Variants in FAM76A observed in about 807,000 individuals in gnomAD.
FAM76A encodes the protein family with sequence similarity 76 member A, also known as protein FAM76A.
Under a neutral mutation model 46.2 loss-of-function variants are expected in FAM76A, and 32 were observed. That is an observed-to-expected ratio of 0.69 (90% CI 0.52 to 0.93). The LOEUF (loss-of-function observed/expected upper bound fraction) is 0.93, where lower values mean the gene tolerates loss of function less well. Among genes scored for constraint, FAM76A ranks in the 40% least tolerant of loss-of-function variants. The pLI, the probability that FAM76A is intolerant of heterozygous loss-of-function variation, is 0.00. For synonymous variants in FAM76A, 137 were observed against 127.0 expected (o/e 1.08, Z -0.53); for missense variants, 274 against 361.5 (o/e 0.76, Z 1.96).
In FAM76A at chr1:27,734,119, C is replaced by T. The variant is rs1215403399; in HGVS notation, c.290C>T (p.Pro97Leu). The change falls in exon 4 of 9, where the codon CCA becomes CTA. Residue 97 changes from proline to leucine, a missense_variant. Transcript: ENST00000373954. ...RCTNSEKKYG[P>L]PYSCEQCKQQ... ...ACAAATTCAGAAAAGAAGTATGGACCACCCTATTCTTGTGAACAGTGCAAG... is the reference window on the plus strand; with the variant it reads ...ACAAATTCAGAAAAGAAGTATGGACTACCCTATTCTTGTGAACAGTGCAAG... 1.2e-6 allele frequency: 2 copies of T among 1,612,732 alleles called. No individual in the cohort carries two copies. The highest frequency in any genetic ancestry group is 1.7e-6 in the Non-Finnish European group (2 of 1,179,760).
At chr1:27,749,199 C>T (rs371537741) in intron 6 of FAM76A, 45 bp downstream of exon 6, 2 of 1,316,298 alleles carry the variant, frequency 1.5e-6, no homozygotes, top group African/African-American at 3.0e-5. Flanking sequence ...GAAATGCATA[C>T]ACAGTTCCTG....
At chr1:27,750,152 C>T (rs1236718297) in intron 6 of FAM76A, among the ~76,000 whole-genome samples, 1 of 152,180 alleles carries the variant, frequency 6.6e-6, no homozygotes, top group African/African-American at 2.4e-5. Flanking sequence ...CACAGTTCTC[C>T]TTCCCAGCCA....
chr1:27,739,931 A>T (rs2088123297), intron 4 of FAM76A: 2 of 225,828 alleles, frequency 8.9e-6, no homozygotes, highest in Non-Finnish European at 1.8e-5. Context: ...TCATAGGGTA[A>T]CTTACCCTTG....
At chr1:27,749,442 A>G (rs1428617865) in intron 6 of FAM76A, among the ~76,000 whole-genome samples, 1 of 152,190 alleles carries the variant, frequency 6.6e-6, no homozygotes, top group African/African-American at 2.4e-5. Context: ...ATTTTGGCTC[A>G]CTGCAACTTC....
intron 4 of FAM76A, among the ~76,000 whole-genome samples, chr1:27,741,645 C>T (rs2088155846): frequency 6.6e-6 from 1 of 151,978 alleles, no homozygotes; most frequent in Admixed American, 6.6e-5. Flanking sequence ...CTTTGAAAGG[C>T]CAAGGTGGGT....
intron 4 of FAM76A, chr1:27,740,028 T>C: frequency 5.4e-6 from 2 of 371,286 alleles, no homozygotes; most frequent in Non-Finnish European, 1.1e-5. Context: ...AGTGCCTCCG[T>C]ATTCTAGACT....
intron 4 of FAM76A, among the ~76,000 whole-genome samples, chr1:27,735,912 C>G (rs529746765): frequency 6.6e-5 from 10 of 152,274 alleles, no homozygotes; most frequent in African/African-American, 2.4e-4. Flanking sequence ...TCTGGTTATA[C>G]TAGAATTCAT....
intron 7 of FAM76A, among the ~76,000 whole-genome samples, chr1:27,758,486 A>T (rs893277418): frequency 5.9e-5 from 9 of 151,986 alleles, no homozygotes; most frequent in African/African-American, 9.7e-5. Context: ...CTTTGCAGAG[A>T]TAGTTTTTAT....
At chr1:27,742,980 T>C (rs1009037177) in intron 4 of FAM76A, among the ~76,000 whole-genome samples, 8 of 152,068 alleles carry the variant, frequency 5.3e-5, no homozygotes, top group South Asian at 2.1e-4. Context: ...GGAGAATTGC[T>C]TGAACCCAGG....
rs1159627394 is a variant in FAM76A at position 27,761,085 on chromosome 1, C to T, written c.*504C>T. 1.3e-5 allele frequency: 2 copies of T among 151,050 alleles called. No homozygotes were observed. Among genetic ancestry groups the T allele is most frequent in the African/African-American group, 4.9e-5 (2 of 41,100 alleles). 9.4% of individuals were successfully genotyped at this position (151,050 alleles called of 1,614,324 possible). ...GACTTGGTATAATGGAAGAGGCTTT[C>T]TCTCTCCAATAAACCTTTTGCTTCA... On this transcript the variant is annotated 3_prime_UTR_variant, in exon 9 of 9. Coordinates refer to ENST00000373954, the MANE Select transcript of FAM76A (RefSeq NM_152660.3).
chr1:27,740,317 T>C, intron 4 of FAM76A: 1 of 877,556 alleles, frequency 1.1e-6, no homozygotes, highest in Non-Finnish European at 1.9e-6. Flanking sequence ...GGAACTACAG[T>C]TGAGTATTTG....
intron 1 of FAM76A, 76 bp downstream of exon 1, chr1:27,726,237 G>T (rs993582086): frequency 1.0e-5 from 12 of 1,170,166 alleles, no homozygotes; most frequent in African/African-American, 9.5e-5. Flanking sequence ...CTGTGGGGAC[G>T]CCCGGCGGGG....
rs557304442 is a variant in FAM76A, at chr1:27,756,096, A to G, written c.735+766A>G. 5.3e-5 allele frequency among the ~76,000 whole-genome samples: 8 copies of G among 152,192 alleles called. No individual in the cohort carries two copies. The East Asian group carries it at 1.5e-3, about 29-fold the overall frequency. On this transcript the variant is annotated intron_variant, in intron 7 of 8. Coordinates refer to ENST00000373954, the MANE Select transcript of FAM76A (RefSeq NM_152660.3). ...CAGTGCTGTCCGGCTAAAAGAACCTAATGTCTCTTTCTCTTCTCATGGGGA... is the reference window on the plus strand; with the variant it reads ...CAGTGCTGTCCGGCTAAAAGAACCTGATGTCTCTTTCTCTTCTCATGGGGA...
intron 6 of FAM76A, 58 bp downstream of exon 6, chr1:27,749,212 A>T: frequency 8.4e-7 from 1 of 1,183,668 alleles, no homozygotes; most frequent in Non-Finnish European, 1.2e-6. Flanking sequence ...AGTTCCTGAA[A>T]CAGGAATACA....
At chr1:27,742,009 A>G (rs1052158090) in intron 4 of FAM76A, among the ~76,000 whole-genome samples, 9 of 152,094 alleles carry the variant, frequency 5.9e-5, no homozygotes, top group African/African-American at 2.2e-4. Context: ...AGAGATGAGT[A>G]TGTCTTTAGT....
intron 3 of FAM76A, among the ~76,000 whole-genome samples, chr1:27,733,775 G>A (rs867449995): frequency 3.3e-5 from 5 of 152,012 alleles, no homozygotes; most frequent in African/African-American, 9.7e-5. Context: ...GCTTTAACCC[G>A]GGAGGTGGAG....
At position 27,726,057 on chromosome 1, in the gene FAM76A, C is replaced by A; in HGVS notation, c.-24C>A. On this transcript the variant is annotated 5_prime_UTR_variant, in exon 1 of 9. Transcript: ENST00000373954. ...AAATCGGCGGGCCGGGCCGGCGGGTCGGTGAGCGCGGCCCGGGCCGGACAT... is the reference window on the plus strand; with the variant it reads ...AAATCGGCGGGCCGGGCCGGCGGGTAGGTGAGCGCGGCCCGGGCCGGACAT... The A allele has an allele frequency of 2.4e-6, 3 of 1,240,064 alleles. No individual in the cohort carries two copies. Among genetic ancestry groups the A allele is most frequent in the Admixed American group, 4.2e-5 (1 of 23,564 alleles). The allele number at this position is 1,240,064 out of a possible 1,614,324, so 76.8% of individuals were successfully genotyped here.
intron 2 of FAM76A, 129 bp from the exon 3 acceptor site, chr1:27,732,474 C>A: frequency 1.7e-6 from 1 of 586,856 alleles, no homozygotes; most frequent in Non-Finnish European, 3.1e-6. Context: ...GGTACTCAAG[C>A]TAGTGTTAAC....
chr1:27,751,369 C>T (rs1177528102), intron 6 of FAM76A, among the ~76,000 whole-genome samples: 1 of 152,006 alleles, frequency 6.6e-6, no homozygotes, highest in Non-Finnish European at 1.5e-5. Context: ...TTCCACTTTG[C>T]TGTCCTCTTT....
Sources: gnomAD v4.1 joint callset for allele counts (sites outside exome capture counted in the v4.1 genomes callset) on GRCh38, gnomAD v4.1.1 for gene constraint, MANE v1.5 for transcripts, NCBI Gene and HGNC (gene_info 2026-07-23, HGNC 2026-07-21) for gene names.